PYHIN1: variants seen among roughly 807,000 people sequenced by gnomAD.
PYHIN1 encodes pyrin and HIN domain family member 1.
PYHIN1 carries 32 observed loss-of-function variants against 43.7 expected under a neutral mutation model. The observed-to-expected ratio is 0.73, with a 90% CI of 0.55 to 0.98. The LOEUF (loss-of-function observed/expected upper bound fraction) is 0.98. PYHIN1 is among the 50% of genes least tolerant of loss of function. The pLI is 0.00. For missense variants in PYHIN1, 588 were observed against 589.5 expected, an observed-to-expected ratio of 1.00 and a Z score of 0.03; for synonymous variants, 205 against 203.1, an observed-to-expected ratio of 1.01 and a Z score of -0.08.
In PYHIN1 at chr1:158,939,150, C is replaced by T; in HGVS notation, c.482C>T (p.Pro161Leu). 8.7e-6 allele frequency: 14 copies of T among 1,613,930 alleles called. No homozygotes were observed. Among genetic ancestry groups the T allele is most frequent in the Non-Finnish European group, 1.2e-5 (14 of 1,179,946 alleles). The change falls in exon 4 of 9, where the codon CCT (proline) becomes CTT (leucine). Residue 161 changes from proline to leucine, a missense_variant. Coordinates refer to ENST00000368140, the MANE Select transcript of PYHIN1 (RefSeq NM_152501.5). ...AAGATGTCCAAAGAGCAGACTCGGC[C>T]TTCCTGCTCTGCAGGAGCCAGCACG... ...RSKMSKEQTR[P>L]SCSAGASTST...
intron 4 of PYHIN1, chr1:158,939,600 T>C: frequency 1.5e-6 from 2 of 1,351,382 alleles, no homozygotes; most frequent in Non-Finnish European, 1.0e-6. Flanking sequence ...TGCTCCTTTT[T>C]CCTTTAGGAT....
the PYHIN1 span, among the ~76,000 whole-genome samples, chr1:158,985,237 G>A: frequency 6.6e-6 from 1 of 152,136 alleles, no homozygotes; most frequent in Admixed American, 6.5e-5. Flanking sequence ...TTGTATAGTT[G>A]CATATTGTGT....
chr1:158,990,124 A>C, the PYHIN1 span, among the ~76,000 whole-genome samples: 1 of 152,212 alleles, frequency 6.6e-6, no homozygotes, highest in Admixed American at 6.5e-5. Context: ...AGATGGCCAA[A>C]TTTAATTTTT....
At position 158,973,640 on chromosome 1, in the gene PYHIN1, A is replaced by C; in HGVS notation, c.1360-7A>C. 6.2e-7 allele frequency: 1 copy of C among 1,612,176 alleles called. No homozygotes were observed. Among genetic ancestry groups the C allele is most frequent in the South Asian group, 1.1e-5 (1 of 90,972 alleles). On this transcript the variant is annotated splice_polypyrimidine_tract_variant and splice_region_variant and intron_variant, in intron 7 of 8. Transcript: ENST00000368140. ...AAAGACTAAATTACCCAAATTTATGACTCCAGAAGGATGAAACCCACCCAG... is the reference window on the plus strand; with the variant it reads ...AAAGACTAAATTACCCAAATTTATGCCTCCAGAAGGATGAAACCCACCCAG...
intron 7 of PYHIN1, among the ~76,000 whole-genome samples, chr1:158,957,439 G>A (rs1379336542): frequency 7.2e-5 from 11 of 151,770 alleles, no homozygotes; most frequent in Admixed American, 7.2e-4. Flanking sequence ...AGAGCCCGCA[G>A]AAATAATGCC....
chr1:158,981,828 G>C (rs1651494419), downstream of PYHIN1, among the ~76,000 whole-genome samples: 1 of 152,022 alleles, frequency 6.6e-6, no homozygotes, highest in African/African-American at 2.4e-5. Context: ...CTTTTTAATA[G>C]CAGCTATTCT....
the PYHIN1 span, among the ~76,000 whole-genome samples, chr1:158,990,470 A>G: frequency 6.6e-6 from 1 of 152,078 alleles, no homozygotes; most frequent in African/African-American, 2.4e-5. Context: ...AGGTGGTTAA[A>G]TCTCTCTGAT....
At chr1:158,960,563 A>G (rs1212526933) in intron 7 of PYHIN1, among the ~76,000 whole-genome samples, 2 of 152,224 alleles carry the variant, frequency 1.3e-5, no homozygotes, top group Non-Finnish European at 2.9e-5. Flanking sequence ...AGAGTATCCA[A>G]CTACTTACTT....
At chr1:158,988,765 A>C in the PYHIN1 span, among the ~76,000 whole-genome samples, 1 of 152,222 alleles carries the variant, frequency 6.6e-6, no homozygotes, top group East Asian at 1.9e-4. Context: ...GATAAACTGA[A>C]GAGAAAATTT....
chr1:158,988,034 G>T, the PYHIN1 span, among the ~76,000 whole-genome samples: 3 of 152,206 alleles, frequency 2.0e-5, no homozygotes, highest in South Asian at 2.1e-4. Context: ...TCATCAAACC[G>T]CTAGAACCTA....
rs557076600 is a variant in PYHIN1 at position 158,933,241 on chromosome 1, T to C, written c.-21+1465T>C. Among the ~76,000 whole-genome samples, 1 of 151,712 alleles carries C rather than the reference T, an allele frequency of 6.6e-6. No homozygotes were observed. The highest frequency in any genetic ancestry group is 2.1e-4 in the South Asian group (1 of 4,830). ...ACATAAACATACACATATAAATATA[T>C]ATATTTGTGGCACCGTGTACATATG... On this transcript the variant is annotated intron_variant, in intron 1 of 8. Coordinates refer to ENST00000368140, the MANE Select transcript of PYHIN1 (RefSeq NM_152501.5). This position sits in a 1 kb window ranked among gnomAD's most constrained non-coding sequence, Gnocchi z 6.3.
intron 7 of PYHIN1, among the ~76,000 whole-genome samples, chr1:158,970,895 A>G (rs927553688): frequency 1.3e-5 from 2 of 152,062 alleles, no homozygotes; most frequent in African/African-American, 4.8e-5. Context: ...TATGAGAATC[A>G]TGAGGTTCAG....
rs112218133 is a variant in PYHIN1, at chr1:158,973,749, C to T, written c.1462C>T (p.His488Tyr). 1.6e-3 allele frequency: 2,507 copies of T among 1,613,080 alleles called. 38 individuals carry two copies. The Middle Eastern group carries it at 0.033, about 21-fold the overall frequency. ...PLSSDTSTNR[H>Y]PAVP is the part of the protein sequence containing the mutation. Reference sequence around the variant, plus strand: ...TTCTTCTGACACTTCCACCAACCGCCATCCAGCAGTTCCTTAAATAAGGTA... The same window carrying T: ...TTCTTCTGACACTTCCACCAACCGCTATCCAGCAGTTCCTTAAATAAGGTA... The change falls in exon 8 of 9, where the codon CAT (histidine) becomes TAT (tyrosine). Residue 488 changes from histidine to tyrosine, a missense_variant. By Grantham distance (83) the His-to-Tyr change is moderately conservative (BLOSUM62 2). Coordinates refer to ENST00000368140, the MANE Select transcript of PYHIN1 (RefSeq NM_152501.5).
rs566511340 is a variant in PYHIN1 at position 158,951,933 on chromosome 1, A to G, written c.1359+6891A>G. ...GCCATTATTAGAAAGAAGTTTTTTA[A>G]ATTTTAAATTTTTTCTTAAATCTTA... On this transcript the variant is annotated intron_variant, in intron 7 of 8. Transcript: ENST00000368140. 1.5e-3 allele frequency among the ~76,000 whole-genome samples: 222 copies of G among 152,178 alleles called. 2 individuals carry two copies. The highest frequency in any genetic ancestry group is 2.0e-3 in the Admixed American group (31 of 15,290).
At chr1:158,980,144 G>T (rs1177519597), downstream of PYHIN1, among the ~76,000 whole-genome samples, 1 of 152,132 alleles carries the variant, frequency 6.6e-6, no homozygotes, top group Non-Finnish European at 1.5e-5. Context: ...AGATTTTGTG[G>T]ACATTTATCA....
intron 5 of PYHIN1, among the ~76,000 whole-genome samples, 169 bp from the exon 6 acceptor site, chr1:158,943,621 T>C (rs1649051977): frequency 6.6e-6 from 1 of 152,126 alleles, no homozygotes; most frequent in Admixed American, 6.5e-5. Context: ...AAAAGGATAT[T>C]GAGGGAGAGC....
At chr1:158,932,142 A>G (rs1373337845) in intron 1 of PYHIN1, among the ~76,000 whole-genome samples, 3 of 152,238 alleles carry the variant, frequency 2.0e-5, no homozygotes, top group African/African-American at 7.2e-5. Flanking sequence ...GATGCATAGT[A>G]TTCCACGCTG....
intron 7 of PYHIN1, among the ~76,000 whole-genome samples, chr1:158,972,068 A>G (rs1162338989): frequency 1.3e-5 from 2 of 152,100 alleles, no homozygotes; most frequent in East Asian, 3.9e-4. Flanking sequence ...TCATAGTGAA[A>G]CCATTAATCA....
Position 158,973,741 on chromosome 1 carries a change from C to T in PYHIN1, c.1454C>T (p.Thr485Ile), listed in dbSNP as rs1651083016. ...CCTCCTCTTTCTTCTGACACTTCCA[C>T]CAACCGCCATCCAGCAGTTCCTTAA... ...VAPPLSSDTS[T>I]NRHPAVP The change falls in exon 8 of 9, where the codon ACC becomes ATC. Residue 485 changes from threonine (T) to isoleucine (I), a missense_variant. Transcript: ENST00000368140. 5 of 1,613,174 alleles carry T rather than the reference C, an allele frequency of 3.1e-6. No homozygotes were observed. The highest frequency in any genetic ancestry group is 4.5e-5 in the East Asian group (2 of 44,856).
Sources: gnomAD v4.1 joint callset for allele counts (sites outside exome capture counted in the v4.1 genomes callset) on GRCh38, gnomAD v4.1.1 for gene constraint, Gnocchi (gnomAD v3.1) non-coding constraint, MANE v1.5 for transcripts, NCBI Gene and HGNC (gene_info 2026-07-23, HGNC 2026-07-21) for gene names.